IGSF5: variants seen among roughly 807,000 people sequenced by gnomAD.
IGSF5 encodes immunoglobulin superfamily 5 like.
Under a neutral mutation model 39.4 loss-of-function variants are expected in IGSF5, and 41 were observed. That is an observed-to-expected ratio of 1.04 (90% CI 0.81 to 1.35). The LOEUF is 1.35. Ranked by LOEUF, IGSF5 falls within the 40% of genes most tolerant of loss-of-function variation. The pLI is 0.00. For missense variants in IGSF5, 487 were observed against 494.6 expected, an observed-to-expected ratio of 0.98 and a Z score of 0.15; for synonymous variants, 183 against 175.3, an observed-to-expected ratio of 1.04 and a Z score of -0.34.
the IGSF5 span, chr21:39,728,036 T>C: frequency 6.6e-6 from 1 of 152,172 alleles, no homozygotes; most frequent in Non-Finnish European, 1.5e-5. Flanking sequence ...GGGGGACTGT[T>C]CTAGAGCCTT....
chr21:39,726,292 C>T, the IGSF5 span, among the ~76,000 whole-genome samples: 2 of 152,134 alleles, frequency 1.3e-5, no homozygotes, highest in Admixed American at 1.3e-4. Context: ...GAAAAATTAA[C>T]CAGAAATTCA....
intron 6 of IGSF5, among the ~76,000 whole-genome samples, chr21:39,789,737 T>C (rs1190806219): frequency 6.6e-6 from 1 of 152,232 alleles, no homozygotes; most frequent in Non-Finnish European, 1.5e-5. Flanking sequence ...AAAGTAATTA[T>C]TGTTAACTAA....
At chr21:39,737,910 T>C in the IGSF5 span, among the ~76,000 whole-genome samples, 2 of 152,096 alleles carry the variant, frequency 1.3e-5, no homozygotes, top group African/African-American at 2.4e-5. Context: ...CAGGCTAGAG[T>C]TCGGCTATGG....
intron 2 of IGSF5, among the ~76,000 whole-genome samples, chr21:39,750,083 A>G (rs2079997567): frequency 6.6e-6 from 1 of 152,160 alleles, no homozygotes; most frequent in South Asian, 2.1e-4. Flanking sequence ...TAGCTATCTT[A>G]TTTAGGAATA....
the IGSF5 span, among the ~76,000 whole-genome samples, chr21:39,735,084 G>A: frequency 6.4e-3 from 977 of 152,064 alleles, 11 homozygotes; most frequent in African/African-American, 0.021. Context: ...GGCTGGTCTC[G>A]AACTCCTGGC....
At chr21:39,721,411 A>G in the IGSF5 span, among the ~76,000 whole-genome samples, 1 of 152,152 alleles carries the variant, frequency 6.6e-6, no homozygotes, top group South Asian at 2.1e-4. Context: ...ACAGAAAACC[A>G]AGAAGGGGTG....
At chr21:39,735,260 T>A in the IGSF5 span, among the ~76,000 whole-genome samples, 1 of 152,202 alleles carries the variant, frequency 6.6e-6, no homozygotes, top group Middle Eastern at 3.2e-3. Flanking sequence ...GTCTTAAAAT[T>A]TTCCTCCTTT....
intron 4 of IGSF5, among the ~76,000 whole-genome samples, chr21:39,774,091 GT>G (rs1432975906): frequency 2.6e-5 from 4 of 152,218 alleles, no homozygotes; most frequent in African/African-American, 4.8e-5. Flanking sequence ...CTTGCAATGA[GT>G]CTAGCTTTAT....
intron 8 of IGSF5, among the ~76,000 whole-genome samples, chr21:39,800,741 A>G (rs1187673720): frequency 6.6e-6 from 1 of 152,242 alleles, no homozygotes; most frequent in Non-Finnish European, 1.5e-5. Context: ...CAATATTATG[A>G]GACAGGCATT....
At chr21:39,740,348 A>G (rs550509451), upstream of IGSF5, among the ~76,000 whole-genome samples, 2 of 152,216 alleles carry the variant, frequency 1.3e-5, no homozygotes, top group Admixed American at 6.5e-5. Context: ...AGGTTTCTGT[A>G]CGGCCAATAA....
chr21:39,791,421 C>T (rs1006427192), intron 6 of IGSF5, among the ~76,000 whole-genome samples: 29 of 152,164 alleles, frequency 1.9e-4, no homozygotes, highest in African/African-American at 6.0e-4. Context: ...AATTCTTTGG[C>T]GTTCCATTGC....
chr21:39,775,915 T>C (rs1243754985), intron 4 of IGSF5, among the ~76,000 whole-genome samples: 3 of 152,172 alleles, frequency 2.0e-5, no homozygotes, highest in African/African-American at 7.2e-5. Flanking sequence ...AGACAACACA[T>C]GGCAGGATGG....
intron 2 of IGSF5, among the ~76,000 whole-genome samples, chr21:39,756,430 C>T (rs1166178710): frequency 6.6e-6 from 1 of 152,170 alleles, no homozygotes; most frequent in Non-Finnish European, 1.5e-5. Flanking sequence ...GGTCTGCCTT[C>T]TAGGGCCTGT....
At chr21:39,714,667 G>A in the IGSF5 span, among the ~76,000 whole-genome samples, 3 of 152,178 alleles carry the variant, frequency 2.0e-5, no homozygotes, top group African/African-American at 7.2e-5. Flanking sequence ...AGCATCACTG[G>A]GGTCTGTGCC....
At chr21:39,762,867 T>C (rs1371620801) in intron 2 of IGSF5, among the ~76,000 whole-genome samples, 1 of 152,074 alleles carries the variant, frequency 6.6e-6, no homozygotes. Context: ...CAGCCATTGG[T>C]CCTTAGTGAC....
the IGSF5 span, among the ~76,000 whole-genome samples, chr21:39,738,780 CCTT>C: frequency 6.6e-6 from 1 of 151,704 alleles, no homozygotes; most frequent in African/African-American, 2.4e-5. This position sits in a 1 kb window ranked among gnomAD's most constrained non-coding sequence, Gnocchi z 6.4. Flanking sequence ...GGTGCTGTCT[CCTT>C]CTCTGGTGAT....
chr21:39,748,985 C>T (rs138750562), intron 2 of IGSF5, among the ~76,000 whole-genome samples: 1 of 152,096 alleles, frequency 6.6e-6, no homozygotes, highest in Non-Finnish European at 1.5e-5. Context: ...CTGCTATCTT[C>T]TTAGGTTCAG....
chr21:39,745,544 G>A lies in IGSF5; in HGVS notation c.17+18G>A, dbSNP rs1471304291. On this transcript the variant is annotated intron_variant, in intron 1 of 8. Transcript: ENST00000380588. ...AAGGAAAGGTAAGGGCGCATGCGTG[G>A]GCGACTGTTGAGTAGAGACTTCTGG... The A allele has an allele frequency of 1.4e-6, 1 of 716,932 alleles. No individual in the cohort carries two copies. Among genetic ancestry groups the A allele is most frequent in the South Asian group, 1.5e-5 (1 of 67,588 alleles). 44.4% of individuals were successfully genotyped at this position (716,932 alleles called of 1,614,324 possible).
chr21:39,799,649 C>G (rs1229245397), intron 8 of IGSF5, among the ~76,000 whole-genome samples: 1 of 152,046 alleles, frequency 6.6e-6, no homozygotes, highest in Non-Finnish European at 1.5e-5. Context: ...ACCGGCCTTG[C>G]TGCAAAGCAC....
Sources: allele counts gnomAD v4.1 joint callset (sites outside exome capture counted in the v4.1 genomes callset), GRCh38; gene constraint gnomAD v4.1.1; non-coding constraint Gnocchi (gnomAD v3.1); transcripts MANE v1.5; gene names NCBI Gene and HGNC (gene_info 2026-07-23, HGNC 2026-07-21).